SOX5: variants seen among roughly 807,000 people sequenced by gnomAD.
The protein encoded by SOX5 is SRY-box transcription factor 5.
In SOX5, 9 loss-of-function variants were observed where a neutral mutation model predicts 92.0. The ratio of observed to expected loss-of-function variants is 0.10; its 90% confidence interval spans 0.06 to 0.17. SOX5 has a LOEUF of 0.17. Ranked by LOEUF, SOX5 falls within the 10% of genes least tolerant of loss-of-function variation. The pLI is 1.00. For synonymous variants in SOX5, 344 were observed against 336.3 expected (o/e 1.02, Z -0.25); for missense variants, 642 against 944.5 (o/e 0.68, Z 4.20).
intron 2 of SOX5, among the ~76,000 whole-genome samples, chr12:24,283,669 G>C (rs1945485531): frequency 6.6e-6 from 1 of 152,136 alleles, no homozygotes; most frequent in Non-Finnish European, 1.5e-5. Context: ...TATCTTACAT[G>C]TTAATTCAAA....
At chr12:23,688,232 C>A (rs569051333) in intron 6 of SOX5, among the ~76,000 whole-genome samples, 1 of 152,140 alleles carries the variant, frequency 6.6e-6, no homozygotes, top group South Asian at 2.1e-4. Context: ...GATATTTAGT[C>A]ACCTCTAATA....
intron 4 of SOX5, among the ~76,000 whole-genome samples, chr12:24,087,225 C>T (rs1050900767): frequency 1.4e-4 from 21 of 151,884 alleles, no homozygotes; most frequent in Middle Eastern, 3.4e-3. Flanking sequence ...AATAATAATC[C>T]TAATTATTGT....
At chr12:23,758,008 CAAAAAAAAAAAA>C (rs34841595) in intron 3 of SOX5, among the ~76,000 whole-genome samples, 10 of 68,246 alleles carry the variant, frequency 1.5e-4, no homozygotes, top group South Asian at 1.5e-3. Context: ...GCACACACTA[CAAAAAAAAAAAA>C]AAAAAAAAAA....
chr12:24,462,924 G>A (rs1260767928), intron 1 of SOX5, among the ~76,000 whole-genome samples: 1 of 152,106 alleles, frequency 6.6e-6, no homozygotes, highest in Non-Finnish European at 1.5e-5. Context: ...TACATTTCAA[G>A]CCTCATTTGT....
chr12:24,182,679 TAA>T (rs1955623899), intron 4 of SOX5, among the ~76,000 whole-genome samples: 2 of 152,152 alleles, frequency 1.3e-5, no homozygotes, highest in African/African-American at 4.8e-5. Flanking sequence ...GGAAAAGTCC[TAA>T]ATATATAAAT....
chr12:23,546,273 C>A, intron 12 of SOX5, 43 bp downstream of exon 12: 1 of 1,152,114 alleles, frequency 8.7e-7, no homozygotes, highest in Non-Finnish European at 1.3e-6. Context: ...TACCTAGACA[C>A]TTTCTTGCAT....
chr12:23,872,234 G>C (rs1194807535), intron 2 of SOX5, among the ~76,000 whole-genome samples: 2 of 133,216 alleles, frequency 1.5e-5, no homozygotes, highest in Non-Finnish European at 3.1e-5. Context: ...GGATGGTCTC[G>C]ATCTCCTGAC....
At position 24,263,716 on chromosome 12, in the gene SOX5, T is replaced by C. The variant is rs1034247790; in HGVS notation, c.-77+13500A>G. Among the ~76,000 whole-genome samples the C allele has an allele frequency of 3.3e-5, 5 of 152,170 alleles. No individual in the cohort carries two copies. In the East Asian group the frequency reaches 9.6e-4, roughly 29 times the overall value. ...GTAATGAACATCTTGGAGATTGCTA[T>C]GCAAGTACTCAGTATATATGTAACT... On this transcript the variant is annotated intron_variant, in intron 3 of 4. Transcript: ENST00000446891.
At chr12:23,538,836 T>A (rs1323543963) in intron 13 of SOX5, among the ~76,000 whole-genome samples, 6 of 149,608 alleles carry the variant, frequency 4.0e-5, no homozygotes, top group Admixed American at 1.3e-4. Context: ...AGTCTTGCTC[T>A]TTCGCCCAGG....
intron 6 of SOX5, among the ~76,000 whole-genome samples, chr12:23,670,348 G>A (rs1326943476): frequency 6.6e-6 from 1 of 152,166 alleles, no homozygotes; most frequent in Non-Finnish European, 1.5e-5. Flanking sequence ...ATTCTTCAGA[G>A]GAAGTTGATG....
chr12:24,458,301 T>C (rs754621353), intron 1 of SOX5, among the ~76,000 whole-genome samples: 9 of 152,212 alleles, frequency 5.9e-5, no homozygotes, highest in African/African-American at 9.7e-5. Context: ...TTTTTACTTA[T>C]ATATTTGGTT....
At chr12:23,710,089 T>A (rs931194715) in intron 6 of SOX5, among the ~76,000 whole-genome samples, 2 of 152,096 alleles carry the variant, frequency 1.3e-5, no homozygotes, top group Non-Finnish European at 2.9e-5. Flanking sequence ...GGCTTTATTA[T>A]GGGATAATAG....
At chr12:23,632,636 T>G (rs985628923) in intron 8 of SOX5, among the ~76,000 whole-genome samples, 3 of 152,130 alleles carry the variant, frequency 2.0e-5, no homozygotes, top group Non-Finnish European at 2.9e-5. Flanking sequence ...TGGCAGGAGT[T>G]TGATAAAAAG....
intron 9 of SOX5, among the ~76,000 whole-genome samples, chr12:23,591,741 G>A (rs560977251): frequency 1.3e-5 from 2 of 152,248 alleles, no homozygotes; most frequent in Admixed American, 1.3e-4. Flanking sequence ...TTGATCCTCA[G>A]AAGAGTTGCA....
At chr12:24,390,299 G>A (rs764378402) in intron 1 of SOX5, among the ~76,000 whole-genome samples, 7 of 152,206 alleles carry the variant, frequency 4.6e-5, no homozygotes, top group East Asian at 3.9e-4. Flanking sequence ...TATTAATGAC[G>A]TTAAAGGTGA....
chr12:24,101,970 T>G (rs951012031), intron 4 of SOX5, among the ~76,000 whole-genome samples: 1 of 152,198 alleles, frequency 6.6e-6, no homozygotes, highest in African/African-American at 2.4e-5. Context: ...AGAATAAATC[T>G]CTGCAGCAAA....
At chr12:23,828,870 A>G (rs193196480) in intron 3 of SOX5, among the ~76,000 whole-genome samples, 172 of 152,314 alleles carry the variant, frequency 1.1e-3, no homozygotes, top group African/African-American at 3.9e-3. Context: ...AAGATTATCA[A>G]CATGTAAGAT....
At chr12:24,464,323 ATTTT>A (rs11332671) in intron 1 of SOX5, among the ~76,000 whole-genome samples, 3 of 138,720 alleles carry the variant, frequency 2.2e-5, no homozygotes, top group Admixed American at 7.1e-5. Context: ...GTGAGAGTTA[ATTTT>A]TTTTTTTTTT....
chr12:23,784,714 A>G (rs538066334), intron 3 of SOX5, among the ~76,000 whole-genome samples: 12 of 152,328 alleles, frequency 7.9e-5, no homozygotes, highest in African/African-American at 2.9e-4. Flanking sequence ...GAGTACACAG[A>G]CTTCTCCAAG....
Sources: gnomAD v4.1 joint callset for allele counts (sites outside exome capture counted in the v4.1 genomes callset) on GRCh38, gnomAD v4.1.1 for gene constraint, MANE v1.5 for transcripts, NCBI Gene and HGNC (gene_info 2026-07-23, HGNC 2026-07-21) for gene names.